PIP5K1B: variants seen among roughly 807,000 people sequenced by gnomAD.
The protein encoded by PIP5K1B is phosphatidylinositol 4-phosphate 5-kinase type-1 beta.
Under a neutral mutation model 67.0 loss-of-function variants are expected in PIP5K1B, and 42 were observed. The ratio of observed to expected loss-of-function variants is 0.63; its 90% CI spans 0.49 to 0.81. PIP5K1B has a LOEUF of 0.81. Ranked by LOEUF, PIP5K1B falls within the 30% of genes least tolerant of loss-of-function variation. PIP5K1B has a pLI of 0.00. For missense variants in PIP5K1B, 459 were observed against 646.3 expected, an observed-to-expected ratio of 0.71 and a Z score of 3.14; for synonymous variants, 214 against 231.4, an observed-to-expected ratio of 0.92 and a Z score of 0.68.
At chr9:68,952,995 G>C (rs1354231875) in intron 14 of PIP5K1B, among the ~76,000 whole-genome samples, 1 of 151,904 alleles carries the variant, frequency 6.6e-6, no homozygotes, top group Non-Finnish European at 1.5e-5. Context: ...GCACTCAGGG[G>C]ACCTTTTCAA....
At chr9:68,838,564 C>T (rs1042243856) in intron 4 of PIP5K1B, among the ~76,000 whole-genome samples, 3 of 151,982 alleles carry the variant, frequency 2.0e-5, no homozygotes, top group African/African-American at 7.3e-5. Context: ...TTTCTGCCTC[C>T]AATTTTACTA....
chr9:68,875,559 T>C (rs577299132), intron 5 of PIP5K1B, among the ~76,000 whole-genome samples: 2 of 152,270 alleles, frequency 1.3e-5, no homozygotes, highest in African/African-American at 4.8e-5. Context: ...TGCCAGGCAT[T>C]GATGCAAGAA....
intron 2 of PIP5K1B, among the ~76,000 whole-genome samples, chr9:68,796,528 C>T (rs1010446938): frequency 2.0e-5 from 3 of 152,176 alleles, no homozygotes; most frequent in Non-Finnish European, 4.4e-5. Context: ...GTTTTCTGAA[C>T]ATAATCTGCA....
intron 14 of PIP5K1B, among the ~76,000 whole-genome samples, chr9:68,961,557 C>A (rs1468076178): frequency 6.6e-6 from 1 of 152,132 alleles, no homozygotes; most frequent in Non-Finnish European, 1.5e-5. Context: ...CACTGTAGGG[C>A]GATTTGGCTG....
At chr9:68,823,421 TA>T (rs1833829564) in intron 4 of PIP5K1B, among the ~76,000 whole-genome samples, 1 of 152,222 alleles carries the variant, frequency 6.6e-6, no homozygotes, top group African/African-American at 2.4e-5. Context: ...CACCAACATT[TA>T]AAACATTTCC....
chr9:68,725,544 G>T (rs908209401), intron 1 of PIP5K1B, among the ~76,000 whole-genome samples: 1 of 152,148 alleles, frequency 6.6e-6, no homozygotes, highest in Non-Finnish European at 1.5e-5. Flanking sequence ...AAGCAAATAT[G>T]AGCCAAGAGG....
intron 2 of PIP5K1B, among the ~76,000 whole-genome samples, chr9:68,785,635 C>T (rs72717927): frequency 0.23 from 34,561 of 152,180 alleles, 5,098 homozygotes; most frequent in Middle Eastern, 0.32. Flanking sequence ...CAAGTGCTAT[C>T]ATTATCCTCA....
chr9:68,988,950 C>CCA (rs1206458043), intron 14 of PIP5K1B, among the ~76,000 whole-genome samples: 3 of 151,670 alleles, frequency 2.0e-5, no homozygotes, highest in Non-Finnish European at 4.4e-5. Flanking sequence ...CAAAAATTAG[C>CCA]GGGACGTGGT....
chr9:68,720,426 A>T (rs1030587579), intron 1 of PIP5K1B, among the ~76,000 whole-genome samples: 4 of 151,958 alleles, frequency 2.6e-5, no homozygotes, highest in African/African-American at 9.7e-5. Flanking sequence ...CAAACTCTAT[A>T]CTTGCAGCTG....
intron 14 of PIP5K1B, chr9:68,963,896 A>G (rs1429132965): frequency 6.6e-6 from 1 of 152,214 alleles, no homozygotes; most frequent in Non-Finnish European, 1.5e-5. Context: ...AAATTCTTCA[A>G]GCCAAATTAA....
At chr9:68,839,848 A>G (rs916934390) in intron 4 of PIP5K1B, among the ~76,000 whole-genome samples, 4 of 152,182 alleles carry the variant, frequency 2.6e-5, no homozygotes, top group African/African-American at 9.7e-5. Context: ...CAGAGAGGTC[A>G]TGACAAGACC....
rs1028460142 is a variant in PIP5K1B at position 68,803,767 on chromosome 9, A to G, written c.-85-14694A>G. ...AATAAAGCTATGATCCTGTTAATAA[A>G]GCACATGGGGAAAAGGGATTTGGGG... On this transcript the variant is annotated intron_variant, in intron 2 of 15. Coordinates refer to ENST00000265382, the MANE Select transcript of PIP5K1B (RefSeq NM_003558.4). Among the ~76,000 whole-genome samples, 9 of 152,262 alleles carry G rather than the reference A, an allele frequency of 5.9e-5. No individual in the cohort carries two copies. The East Asian group carries it at 1.7e-3, about 29-fold the overall frequency.
intron 13 of PIP5K1B, among the ~76,000 whole-genome samples, chr9:68,940,299 C>A (rs1827493760): frequency 6.6e-6 from 1 of 152,184 alleles, no homozygotes; most frequent in Admixed American, 6.5e-5. Context: ...ACTTGCCAGT[C>A]ATCCTTTTAA....
chr9:68,924,628 A>G (rs1826591627), intron 12 of PIP5K1B, among the ~76,000 whole-genome samples: 1 of 152,082 alleles, frequency 6.6e-6, no homozygotes, highest in African/African-American at 2.4e-5. Flanking sequence ...GATATGTGAA[A>G]GGAGAAAATA....
chr9:68,863,729 T>C, intron 4 of PIP5K1B, 108 bp from the exon 5 acceptor site: 1 of 906,578 alleles, frequency 1.1e-6, no homozygotes, highest in Non-Finnish European at 1.6e-6. Context: ...CTCGTCATTG[T>C]TTTGGAGCAA....
intron 5 of PIP5K1B, among the ~76,000 whole-genome samples, chr9:68,867,372 C>T (rs2152647): frequency 0.47 from 70,743 of 152,094 alleles, 16,650 homozygotes; most frequent in Middle Eastern, 0.52. Context: ...GATGGATTTA[C>T]AGTAAACAGA....
intron 4 of PIP5K1B, among the ~76,000 whole-genome samples, chr9:68,842,998 T>C (rs1267361189): frequency 6.6e-6 from 1 of 152,262 alleles, no homozygotes; most frequent in African/African-American, 2.4e-5. Context: ...ATCTCTGTTC[T>C]CAGTGACCAG....
At chr9:68,911,837 T>C (rs1287522853) in intron 8 of PIP5K1B, among the ~76,000 whole-genome samples, 1 of 152,100 alleles carries the variant, frequency 6.6e-6, no homozygotes, top group Non-Finnish European at 1.5e-5. Flanking sequence ...GAGTCATGTT[T>C]GCACCACTGC....
chr9:68,722,248 C>G (rs1335155213), intron 1 of PIP5K1B, among the ~76,000 whole-genome samples: 9 of 152,162 alleles, frequency 5.9e-5, no homozygotes, highest in Admixed American at 5.9e-4. Context: ...CTCTGTCACC[C>G]AGGCTGGAGT....
Sources: allele counts gnomAD v4.1 joint callset (sites outside exome capture counted in the v4.1 genomes callset), GRCh38; gene constraint gnomAD v4.1.1; transcripts MANE v1.5; gene names NCBI Gene and HGNC (gene_info 2026-07-23, HGNC 2026-07-21).